MELTF: variants seen among roughly 807,000 people sequenced by gnomAD.
MELTF encodes the protein melanotransferrin, also known as antigen p97 (melanoma associated) identified by monoclonal antibodies 133.2 and 96.5.
In MELTF, 67 loss-of-function variants were observed where a neutral mutation model predicts 83.7. The ratio of observed to expected loss-of-function variants is 0.80; its 90% CI spans 0.66 to 0.98. The LOEUF (loss-of-function observed/expected upper bound fraction) is 0.98. Among genes scored for constraint, MELTF ranks in the 50% least tolerant of loss-of-function variants. MELTF has a pLI of 0.00. For synonymous variants in MELTF, 462 were observed against 447.6 expected, an observed-to-expected ratio of 1.03 and a Z score of -0.41; for missense variants, 1,002 against 1,035.6, an observed-to-expected ratio of 0.97 and a Z score of 0.44.
chr3:197,001,849 C>G lies in MELTF; in HGVS notation c.*1523G>C, dbSNP rs905604969. 6.6e-6 allele frequency: 1 copy of G among 152,194 alleles called. No individual in the cohort carries two copies. The highest frequency in any genetic ancestry group is 1.5e-5 in the Non-Finnish European group (1 of 68,032). The allele number at this position is 152,194 out of a possible 1,614,324, so 9.4% of individuals were successfully genotyped here. A position where few individuals can be genotyped will look rare whatever the true frequency, so the allele number is the denominator to read the frequency against. ...CACAGCAGGGGTCCCCTGCTGCCAC[C>G]TGACAATCCAGCGTCACTTACACTG... On this transcript the variant is annotated 3_prime_UTR_variant, in exon 16 of 16. Coordinates refer to ENST00000296350, the MANE Select transcript of MELTF (RefSeq NM_005929.6).
Position 197,008,804 on chromosome 3 carries a change from G to A in MELTF, c.1682+5C>T, listed in dbSNP as rs1560211707. 1 of 1,614,070 alleles carries A rather than the reference G, an allele frequency of 6.2e-7. No homozygotes were observed. The highest frequency in any genetic ancestry group is 2.2e-5 in the East Asian group (1 of 44,886). On this transcript the variant is annotated splice_donor_5th_base_variant and intron_variant, in intron 12 of 15. Transcript: ENST00000296350. The surrounding 1 kb of genome is among the most constrained non-coding windows in gnomAD (Gnocchi z 5.4). The stretch of plus-strand genomic sequence containing the variant: ...CAGCCCCAGACTGCCAGGCCACCCG[G>A]GTACCTGAAGGCGCCGCGGTAGCCG...
Position 197,003,257 on chromosome 3 carries a change from C to G in MELTF, c.*115G>C. 9.8e-7 allele frequency: 1 copy of G among 1,017,064 alleles called. No homozygotes were observed. The allele number at this position is 1,017,064 out of a possible 1,614,324, so 63.0% of individuals were successfully genotyped here. On this transcript the variant is annotated 3_prime_UTR_variant, in exon 16 of 16. Coordinates refer to ENST00000296350, the MANE Select transcript of MELTF (RefSeq NM_005929.6). The surrounding 1 kb of genome is among the most constrained non-coding windows in gnomAD (Gnocchi z 6.2). ...GGCGGCGGGGCTCCCGGGGAGGCGC[C>G]TGCTCCCGCCCACGCCGGGCCCGGC...
At chr3:197,025,516 A>C (rs1003057169) in intron 3 of MELTF, 1 of 152,012 alleles carries the variant, frequency 6.6e-6, no homozygotes, top group African/African-American at 2.4e-5. Flanking sequence ...CCTTTTCCTC[A>C]CAGCACCCCA....
At position 197,024,160 on chromosome 3, in the gene MELTF, G is replaced by GGGGC; in HGVS notation, c.487+139_487+142dup. The GGGGC allele has an allele frequency of 1.2e-6, 1 of 856,162 alleles. No homozygotes were observed. Among genetic ancestry groups the GGGGC allele is most frequent in the Non-Finnish European group, 1.7e-6 (1 of 574,438 alleles). The allele number at this position is 856,162 out of a possible 1,614,324, so 53.0% of individuals were successfully genotyped here. On this transcript the variant is annotated intron_variant, in intron 4 of 15. Coordinates refer to ENST00000296350, the MANE Select transcript of MELTF (RefSeq NM_005929.6). This position sits in a 1 kb window ranked among gnomAD's most constrained non-coding sequence, Gnocchi z 5.3. ...GGCAGAGTGGAGGCGGGGGAGGCAC[G>GGGGC]GGGCGGGCGGGGGCTGCTGCGCCTT...
chr3:197,022,286 G>C lies in MELTF; in HGVS notation c.644+671C>G, dbSNP rs1719653783. 6.6e-6 allele frequency among the ~76,000 whole-genome samples: 1 copy of C among 152,194 alleles called. No individual in the cohort carries two copies. The highest frequency in any genetic ancestry group is 2.1e-4 in the South Asian group (1 of 4,828). On this transcript the variant is annotated intron_variant, in intron 5 of 15. Transcript: ENST00000296350. This position sits in a 1 kb window ranked among gnomAD's most constrained non-coding sequence, Gnocchi z 5.1. ...GCTCTGAGGCTCCAAGAGAGCCAGA[G>C]AGAATGTGTGCATGGCCAAGGACAC...
At position 197,029,623 on chromosome 3, in the gene MELTF, C is replaced by G; in HGVS notation, c.49+31G>C. On this transcript the variant is annotated intron_variant, in intron 1 of 15. Transcript: ENST00000296350. The surrounding 1 kb of genome is among the most constrained non-coding windows in gnomAD (Gnocchi z 6.5). ...GGGCCGCGGCGCCCCGGGACCCCCGCCCGCCTTTGGCTCTCACAGCGGGGC... is the reference window on the plus strand; with the variant it reads ...GGGCCGCGGCGCCCCGGGACCCCCGGCCGCCTTTGGCTCTCACAGCGGGGC... 1 of 1,240,652 alleles carries G rather than the reference C, an allele frequency of 8.1e-7. No homozygotes were observed. Among genetic ancestry groups the G allele is most frequent in the Non-Finnish European group, 1.0e-6 (1 of 992,646 alleles). The allele number at this position is 1,240,652 out of a possible 1,614,324, so 76.9% of individuals were successfully genotyped here. A position where few individuals can be genotyped will look rare whatever the true frequency, so the allele number is the denominator to read the frequency against.
chr3:197,027,644 G>C, intron 2 of MELTF, 112 bp downstream of exon 2: 1 of 1,320,940 alleles, frequency 7.6e-7, no homozygotes, highest in Non-Finnish European at 1.0e-6. Flanking sequence ...AGATCCTATC[G>C]GCCGGGCCTG....
In MELTF at chr3:197,024,624, C is replaced by T. The variant is rs984460433; in HGVS notation, c.305-139G>A. 44 of 601,760 alleles carry T rather than the reference C, an allele frequency of 7.3e-5. 1 individual carries two copies. The highest frequency in any genetic ancestry group is 6.9e-4 in the South Asian group (15 of 21,826). The allele number at this position is 601,760 out of a possible 1,614,324, so 37.3% of individuals were successfully genotyped here. The stretch of plus-strand genomic sequence containing the variant: ...CACACGGATGTGTGCATAGCGTTCT[C>T]GTTACCAAGAGAGCAAGTGGGCTTC... On this transcript the variant is annotated intron_variant, in intron 3 of 15. Transcript: ENST00000296350. This position sits in a 1 kb window ranked among gnomAD's most constrained non-coding sequence, Gnocchi z 5.3.
Position 197,010,882 on chromosome 3 carries a change from C to A in MELTF, c.1234-88G>T. 2.5e-6 allele frequency: 3 copies of A among 1,217,238 alleles called. No individual in the cohort carries two copies. The South Asian group carries it at 3.7e-5, about 15-fold the overall frequency. 75.4% of individuals were successfully genotyped at this position (1,217,238 alleles called of 1,614,324 possible). On this transcript the variant is annotated intron_variant, in intron 9 of 15. Coordinates refer to ENST00000296350, the MANE Select transcript of MELTF (RefSeq NM_005929.6). ...TCCTGTGGAGGTGGCAGGGCCTGGT[C>A]TCTTGGGGTTTGTGGCCTCAGGCTT...
chr3:197,004,130 C>T, intron 14 of MELTF, 31 bp from the exon 15 acceptor site: 3 of 1,607,844 alleles, frequency 1.9e-6, no homozygotes, highest in Non-Finnish European at 1.7e-6. Flanking sequence ...CGACCTGCTC[C>T]TCACTGGGCT....
intron 14 of MELTF, chr3:197,004,452 T>A (rs1718904952): frequency 3.0e-6 from 1 of 336,710 alleles, no homozygotes; most frequent in African/African-American, 2.1e-5. Context: ...TGCTGAGCAC[T>A]TCTTGGCCTT....
rs1718823047 is a variant in MELTF, at chr3:197,003,266, C to T, written c.*106G>A. ...GCTCCCGGGGAGGCGCCTGCTCCCG[C>T]CCACGCCGGGCCCGGCCTTCGCGAG... On this transcript the variant is annotated 3_prime_UTR_variant, in exon 16 of 16. Coordinates refer to ENST00000296350, the MANE Select transcript of MELTF (RefSeq NM_005929.6). The surrounding 1 kb of genome is among the most constrained non-coding windows in gnomAD (Gnocchi z 6.2). 2 of 1,028,618 alleles carry T rather than the reference C, an allele frequency of 1.9e-6. No individual in the cohort carries two copies. Among genetic ancestry groups the T allele is most frequent in the Admixed American group, 5.7e-5 (1 of 17,450 alleles). 63.7% of individuals were successfully genotyped at this position (1,028,618 alleles called of 1,614,324 possible).
chr3:197,025,276 G>A (rs888180757), intron 3 of MELTF, among the ~76,000 whole-genome samples: 6 of 152,226 alleles, frequency 3.9e-5, no homozygotes, highest in African/African-American at 1.4e-4. Flanking sequence ...TTGAGTTCTA[G>A]AACATAAAGC....
intron 6 of MELTF, chr3:197,019,126 T>C (rs1719518179): frequency 1.0e-6 from 1 of 986,390 alleles, no homozygotes; most frequent in African/African-American, 1.7e-5. Context: ...TCCCTAAAGG[T>C]CATTGTTAAT....
chr3:197,027,018 A>G, intron 2 of MELTF: 5 of 489,788 alleles, frequency 1.0e-5, no homozygotes, highest in Non-Finnish European at 1.9e-5. Flanking sequence ...TAGTAAAAAA[A>G]TCAGATAGCA....
In MELTF at chr3:197,022,957, C is replaced by G; in HGVS notation, c.644G>C (p.Arg215Pro). 6.2e-7 allele frequency: 1 copy of G among 1,605,778 alleles called. No homozygotes were observed. Among genetic ancestry groups the G allele is most frequent in the Non-Finnish European group, 8.5e-7 (1 of 1,177,074 alleles). The stretch of plus-strand genomic sequence containing the variant: ...CCCTCCCTGCCCCCACTCCGCTCAC[C>G]GGAAGGCCCCGCTGTAGTCGTAGTA... Reference protein sequence around the residue: ...ERYYDYSGAFRCLAEGAGDVA... With the variant: ...ERYYDYSGAFPCLAEGAGDVA... Residue 215 changes from arginine (R) to proline (P), a missense_variant and splice_region_variant, in exon 5 of 16, where the codon CGG (arginine) becomes CCG (proline). Arg to Pro is a moderately radical substitution (Grantham distance 103). Transcript: ENST00000296350. The surrounding 1 kb of genome is among the most constrained non-coding windows in gnomAD (Gnocchi z 5.1).
chr3:197,024,164 C>CGGGGG lies in MELTF; in HGVS notation c.487+138_487+139insCCCCC. On this transcript the variant is annotated intron_variant, in intron 4 of 15. Coordinates refer to ENST00000296350, the MANE Select transcript of MELTF (RefSeq NM_005929.6). The surrounding 1 kb of genome is among the most constrained non-coding windows in gnomAD (Gnocchi z 5.3). The stretch of plus-strand genomic sequence containing the variant: ...GAGTGGAGGCGGGGGAGGCACGGGG[C>CGGGGG]GGGCGGGGGCTGCTGCGCCTTCCAG... 1.6e-6 allele frequency: 1 copy of CGGGGG among 611,580 alleles called. No homozygotes were observed. The highest frequency in any genetic ancestry group is 3.6e-5 in the East Asian group (1 of 27,544). 37.9% of individuals were successfully genotyped at this position (611,580 alleles called of 1,614,324 possible).
In MELTF at chr3:197,003,839, G is replaced by C. The variant is rs1718873199; in HGVS notation, c.2137+62C>G. The C allele has an allele frequency of 1.3e-6, 2 of 1,545,712 alleles. No homozygotes were observed. Among genetic ancestry groups the C allele is most frequent in the Admixed American group, 1.8e-5 (1 of 55,676 alleles). On this transcript the variant is annotated intron_variant, in intron 15 of 15. Coordinates refer to ENST00000296350, the MANE Select transcript of MELTF (RefSeq NM_005929.6). The surrounding 1 kb of genome is among the most constrained non-coding windows in gnomAD (Gnocchi z 6.2). ...ACCCGCAGCGCCCCCCGCTCCCTCAGGGTTCTGGGGTGAAGGGGTCTGAAT... is the reference window on the plus strand; with the variant it reads ...ACCCGCAGCGCCCCCCGCTCCCTCACGGTTCTGGGGTGAAGGGGTCTGAAT...
rs1428665706 is a variant in MELTF, at chr3:197,011,919, G to A, written c.1234-1125C>T. Among the ~76,000 whole-genome samples, 1 of 152,186 alleles carries A rather than the reference G, an allele frequency of 6.6e-6. No individual in the cohort carries two copies. Among genetic ancestry groups the A allele is most frequent in the Non-Finnish European group, 1.5e-5 (1 of 68,032 alleles). On this transcript the variant is annotated intron_variant, in intron 9 of 15. Coordinates refer to ENST00000296350, the MANE Select transcript of MELTF (RefSeq NM_005929.6). The surrounding 1 kb of genome is among the most constrained non-coding windows in gnomAD (Gnocchi z 4.2). ...CTCTGTGAGCCCAGATTGAGAGGAG[G>A]CTGTCACTCAGAGGGAGCTGAAACC...
Sources: gnomAD v4.1 joint callset for allele counts (sites outside exome capture counted in the v4.1 genomes callset) on GRCh38, gnomAD v4.1.1 for gene constraint, Gnocchi (gnomAD v3.1) non-coding constraint, MANE v1.5 for transcripts, NCBI Gene and HGNC (gene_info 2026-07-23, HGNC 2026-07-21) for gene names.